Variants in EIF2B5 observed in about 807,000 individuals in gnomAD.
EIF2B5 encodes the protein eukaryotic translation initiation factor 2B subunit epsilon, also known as translation initiation factor eIF2B subunit epsilon.
EIF2B5 carries 38 observed loss-of-function variants against 87.3 expected under a neutral mutation model. The ratio of observed to expected loss-of-function variants is 0.44; its 90% CI spans 0.34 to 0.57. The LOEUF (loss-of-function observed/expected upper bound fraction) is 0.57. Ranked by LOEUF, EIF2B5 falls within the 20% of genes least tolerant of loss-of-function variation. EIF2B5 has a pLI of 0.02. For synonymous variants in EIF2B5, 313 were observed against 339.6 expected, an observed-to-expected ratio of 0.92 and a Z score of 0.86; for missense variants, 784 against 909.5, an observed-to-expected ratio of 0.86 and a Z score of 1.78.
At chr3:184,143,395 G>A (rs1294904884) in intron 12 of EIF2B5, 47 bp from the exon 13 acceptor site, 1 of 1,613,876 alleles carries the variant, frequency 6.2e-7, no homozygotes, top group African/African-American at 1.3e-5. Context: ...TTCTAAGCCT[G>A]CTGAAAGGCC....
At chr3:184,137,363 T>C (rs1180648872) in intron 2 of EIF2B5, 1 of 543,998 alleles carries the variant, frequency 1.8e-6, no homozygotes. Flanking sequence ...TGAGTTCAAA[T>C]TGATGTTTAG....
At position 184,142,255 on chromosome 3, in the gene EIF2B5, A is replaced by C. The variant is rs769493596; in HGVS notation, c.1321A>C (p.Ile441Leu). 6.2e-7 allele frequency: 1 copy of C among 1,613,924 alleles called. No individual in the cohort carries two copies. Among genetic ancestry groups the C allele is most frequent in the African/African-American group, 1.3e-5 (1 of 74,868 alleles). Residue 441 changes from isoleucine (I) to leucine (L), a missense_variant, in exon 9 of 16, where the codon ATC becomes CTC. Physicochemically the swap from Ile to Leu is conservative, Grantham distance 5. This residue lies in a region of EIF2B5 where 660 missense variants were observed against 789.5 expected (regional missense o/e 0.84). Transcript: ENST00000648915. The surrounding 1 kb of genome is among the most constrained non-coding windows in gnomAD (Gnocchi z 5.0). ...CCCTTAGGTGGTCGTGGGCCCAAAT[A>C]TCACGCTGCCTGAGGGCTCGGTGAT... ...LTSQVVVGPN[I>L]TLPEGSVISL...
chr3:184,137,774 A>G lies in EIF2B5; in HGVS notation c.475A>G (p.Ile159Val), dbSNP rs1483006764. 6 of 1,614,078 alleles carry G rather than the reference A, an allele frequency of 3.7e-6. No individual in the cohort carries two copies. Among genetic ancestry groups the G allele is most frequent in the Non-Finnish European group, 5.1e-6 (6 of 1,180,052 alleles). The change falls in exon 3 of 16, where the codon ATC (isoleucine) becomes GTC (valine). Residue 159 changes from isoleucine (I) to valine (V), a missense_variant. Physicochemically the swap from Ile to Val is conservative, Grantham distance 29. Coordinates refer to ENST00000648915, the MANE Select transcript of EIF2B5 (RefSeq NM_003907.3). ...GGTGTATGGGGATGTCATCTCAAACATCAATATCACCAGAGCCCTTGAGGA... is the reference window on the plus strand; with the variant it reads ...GGTGTATGGGGATGTCATCTCAAACGTCAATATCACCAGAGCCCTTGAGGA... Reference protein sequence around the residue: ...LLVYGDVISNINITRALEEHR... With the variant: ...LLVYGDVISNVNITRALEEHR...
At chr3:184,144,278 G>A (rs1713767297) in intron 14 of EIF2B5, 54 bp downstream of exon 14, 10 of 1,611,174 alleles carry the variant, frequency 6.2e-6, no homozygotes, top group Non-Finnish European at 7.6e-6. Context: ...ACGAGGGTTG[G>A]TGACCCCCTT....
At chr3:184,138,708 C>T (rs1365340891) in intron 5 of EIF2B5, 34 of 216,282 alleles carry the variant, frequency 1.6e-4, no homozygotes, top group Non-Finnish European at 7.5e-5. Context: ...CGCTCTGTGG[C>T]CCAGGCTGGA....
At chr3:184,143,283 C>G in intron 12 of EIF2B5, 141 bp downstream of exon 12, 2 of 1,450,680 alleles carry the variant, frequency 1.4e-6, no homozygotes, top group Non-Finnish European at 1.9e-6. Flanking sequence ...GCAAGGAGAG[C>G]ATTATTAAGT....
chr3:184,142,452 G>T lies in EIF2B5; in HGVS notation c.1445-50G>T, dbSNP rs757098900. ...AGAAGAACCAGTGTTTCCTCCTGGA[G>T]GGATTGGTGCTTCCGCCGGGCCCTC... On this transcript the variant is annotated intron_variant, in intron 9 of 15. Transcript: ENST00000648915. This position sits in a 1 kb window ranked among gnomAD's most constrained non-coding sequence, Gnocchi z 5.0. 12 of 1,614,022 alleles carry T rather than the reference G, an allele frequency of 7.4e-6. No individual in the cohort carries two copies. In the East Asian group the frequency reaches 2.5e-4, roughly 33 times the overall value.
chr3:184,137,334 C>T (rs1713409696), intron 2 of EIF2B5: 2 of 503,498 alleles, frequency 4.0e-6, no homozygotes, highest in Admixed American at 6.5e-5. Context: ...TTTGTGTACC[C>T]TAGGCTTCAG....
At chr3:184,135,680 CTGCGTCTA>C (rs1247299463) in intron 1 of EIF2B5, 100 bp downstream of exon 1, 2 of 1,450,124 alleles carry the variant, frequency 1.4e-6, no homozygotes, top group East Asian at 4.9e-5. Flanking sequence ...CTTGAAGGAC[CTGCGTCTA>C]TGCTGTTATC....
intron 5 of EIF2B5, among the ~76,000 whole-genome samples, chr3:184,139,760 G>T (rs1051124843): frequency 6.6e-6 from 1 of 151,146 alleles, no homozygotes; most frequent in East Asian, 2.0e-4. Flanking sequence ...GCTCACGCTT[G>T]TAATCCCAGC....
rs758565943 is a variant in EIF2B5 at position 184,140,564 on chromosome 3, C to T, written c.990C>T (p.Ser330=). The change falls in exon 7 of 16, where the codon AGC becomes AGT. Residue 330 remains serine, a synonymous_variant. Coordinates refer to ENST00000648915, the MANE Select transcript of EIF2B5 (RefSeq NM_003907.3). ...CCCCAGAGGCGAACTTCACTGACAGCACCACCCAGAGCTGCACTCATTCCC... is the reference window on the plus strand; with the variant it reads ...CCCCAGAGGCGAACTTCACTGACAGTACCACCCAGAGCTGCACTCATTCCC... ...PLTPEANFTD[S]TTQSCTHSRH... is the part of the protein sequence containing the mutation. 14 of 1,614,190 alleles carry T rather than the reference C, an allele frequency of 8.7e-6. No individual in the cohort carries two copies. The highest frequency in any genetic ancestry group is 9.3e-6 in the Non-Finnish European group (11 of 1,180,032).
chr3:184,143,115 A>G lies in EIF2B5; in HGVS notation c.1718A>G (p.Asn573Ser). Residue 573 changes from asparagine (N) to serine (S), a missense_variant, in exon 12 of 16, where the codon AAT (asparagine) becomes AGT (serine). Physicochemically the swap from Asn to Ser is conservative, Grantham distance 46. This residue lies in a region of EIF2B5 where 660 missense variants were observed against 789.5 expected (regional missense o/e 0.84). Coordinates refer to ENST00000648915, the MANE Select transcript of EIF2B5 (RefSeq NM_003907.3). ...AAAGAGGAGAACATTTCTTGTGACA[A>G]TCTCGTCCTGGAAATCAACTCTCTC... is the stretch of plus-strand genomic sequence containing the variant. ...RGKEENISCD[N>S]LVLEINSLKY... 1.2e-6 allele frequency: 2 copies of G among 1,613,762 alleles called. No homozygotes were observed. Among genetic ancestry groups the G allele is most frequent in the Non-Finnish European group, 1.7e-6 (2 of 1,179,908 alleles).
chr3:184,135,511 C>T lies in EIF2B5; in HGVS notation c.126C>T (p.Pro42=). The change falls in exon 1 of 16, where the codon CCC becomes CCT. Residue 42 remains proline (P), a synonymous_variant. Coordinates refer to ENST00000648915, the MANE Select transcript of EIF2B5 (RefSeq NM_003907.3). ...ARGAEEEPPP[P]LQAVLVADSF... is the part of the protein sequence containing the mutation. ...GGGCGGAGGAGGAACCGCCGCCGCC[C>T]CTACAAGCAGTTCTGGTGGCCGATA... The T allele has an allele frequency of 1.3e-6, 2 of 1,586,930 alleles. No individual in the cohort carries two copies. The highest frequency in any genetic ancestry group is 1.8e-4 in the Middle Eastern group (1 of 5,688).
At chr3:184,143,899 A>G in intron 13 of EIF2B5, 200 bp from the exon 14 acceptor site, 1 of 845,956 alleles carries the variant, frequency 1.2e-6, no homozygotes, top group South Asian at 1.6e-5. Flanking sequence ...AGCCTATAGC[A>G]TCTGATCCCC....
At position 184,137,640 on chromosome 3, in the gene EIF2B5, C is replaced by T. The variant is rs1434577522; in HGVS notation, c.341C>T (p.Pro114Leu). The T allele has an allele frequency of 6.2e-7, 1 of 1,614,190 alleles. No homozygotes were observed. The highest frequency in any genetic ancestry group is 1.3e-5 in the African/African-American group (1 of 75,038). ...EHLLKSKWCR[P>L]TSLNVVRIIT... ...TTTAGGAAGTCAAAGTGGTGCCGCC[C>T]TACATCTCTCAATGTGGTTCGAATA... is the stretch of plus-strand genomic sequence containing the variant. Residue 114 changes from proline (P) to leucine (L), a missense_variant, in exon 3 of 16, where the codon CCT becomes CTT. Transcript: ENST00000648915.
At chr3:184,136,802 A>G (rs1214461103) in intron 2 of EIF2B5, 66 bp downstream of exon 2, 2 of 1,608,882 alleles carry the variant, frequency 1.2e-6, no homozygotes, top group African/African-American at 1.3e-5. Context: ...GGATGAATGT[A>G]ACTAAGGGGA....
chr3:184,142,203 C>T lies in EIF2B5; in HGVS notation c.1303-34C>T, dbSNP rs750881350. On this transcript the variant is annotated intron_variant, in intron 8 of 15. Transcript: ENST00000648915. The surrounding 1 kb of genome is among the most constrained non-coding windows in gnomAD (Gnocchi z 5.0). ...ATTATCAGGATGCACTTTTCCTCCACACCCTAATGGTTCTGTGTTTTTTTT... is the reference window on the plus strand; with the variant it reads ...ATTATCAGGATGCACTTTTCCTCCATACCCTAATGGTTCTGTGTTTTTTTT... The T allele has an allele frequency of 5.6e-6, 9 of 1,614,128 alleles. No homozygotes were observed. The South Asian group carries it at 8.8e-5, about 16-fold the overall frequency.
chr3:184,145,144 G>A lies in EIF2B5; in HGVS notation c.*201G>A, dbSNP rs570083742. 56 of 645,070 alleles carry A rather than the reference G, an allele frequency of 8.7e-5. No individual in the cohort carries two copies. The South Asian group carries it at 9.1e-4, about 10-fold the overall frequency. The allele number at this position is 645,070 out of a possible 1,614,324, so 40.0% of individuals were successfully genotyped here. A position where few individuals can be genotyped will look rare whatever the true frequency, so the allele number is the denominator to read the frequency against. ...CTGACTGTGGAGTTGGGATGTGGAA[G>A]TGGGGCTGGAACAAAGCTTCTGCCT... On this transcript the variant is annotated 3_prime_UTR_variant, in exon 16 of 16. Coordinates refer to ENST00000648915, the MANE Select transcript of EIF2B5 (RefSeq NM_003907.3). This position sits in a 1 kb window ranked among gnomAD's most constrained non-coding sequence, Gnocchi z 4.0.
Position 184,136,677 on chromosome 3 carries a change from T to G in EIF2B5, c.261T>G (p.Gly87=), listed in dbSNP as rs1000636351. 6 of 1,614,022 alleles carry G rather than the reference T, an allele frequency of 3.7e-6. No individual in the cohort carries two copies. Among genetic ancestry groups the G allele is most frequent in the Non-Finnish European group, 5.1e-6 (6 of 1,180,036 alleles). ...DYTLEFLTAT[G]VQETFVFCCW... ...CTCTGGAATTCCTGACTGCCACAGG[T>G]GTACAGGAAACATTTGTCTTTTGTT... The change falls in exon 2 of 16, where the codon GGT becomes GGG. Residue 87 remains glycine (G), a synonymous_variant. Transcript: ENST00000648915.
Sources: allele counts gnomAD v4.1 joint callset (sites outside exome capture counted in the v4.1 genomes callset), GRCh38; gene constraint gnomAD v4.1.1; regional missense constraint gnomAD v4.1.1; non-coding constraint Gnocchi (gnomAD v3.1); transcripts MANE v1.5; gene names NCBI Gene and HGNC (gene_info 2026-07-23, HGNC 2026-07-21).